The following GALNT9 variants were observed in gnomAD, a reference collection of about 807,000 sequenced individuals.
GALNT9 encodes polypeptide N-acetylgalactosaminyltransferase 9.
A neutral mutation model predicts 63.1 loss-of-function variants in GALNT9; 47 were observed. That is an observed-to-expected ratio of 0.75 (90% confidence interval 0.59 to 0.95). The LOEUF (loss-of-function observed/expected upper bound fraction) is 0.95. GALNT9 is among the 40% of genes least tolerant of loss of function. GALNT9 has a pLI of 0.00. For synonymous variants in GALNT9, 396 were observed against 365.7 expected (o/e 1.08, Z -0.94); for missense variants, 829 against 874.8 (o/e 0.95, Z 0.66).
intron 5 of GALNT9, among the ~76,000 whole-genome samples, chr12:132,256,401 T>C (rs1357083015): frequency 1.3e-5 from 2 of 152,114 alleles, no homozygotes; most frequent in Non-Finnish European, 2.9e-5. Context: ...TTCCGTGATG[T>C]GGGTGGAGTC....
chr12:132,320,200 G>A (rs1335965776), intron 1 of GALNT9, among the ~76,000 whole-genome samples: 2 of 140,408 alleles, frequency 1.4e-5, no homozygotes, highest in Non-Finnish European at 3.1e-5. Flanking sequence ...ATCCACACAC[G>A]CGCTTGTTTT....
chr12:132,298,309 C>T lies in GALNT9; in HGVS notation c.239-11879G>A, dbSNP rs563541089. On this transcript the variant is annotated intron_variant, in intron 1 of 10. Transcript: ENST00000328957. ...CCCATGATAACTAACCCATTCCCAC[C>T]ACACTTAACCCACCCATGAGATAAA... is the stretch of plus-strand genomic sequence containing the variant. Among the ~76,000 whole-genome samples, 27 of 152,094 alleles carry T rather than the reference C, an allele frequency of 1.8e-4. 1 individual carries two copies. In the South Asian group the frequency reaches 5.6e-3, roughly 32 times the overall value.
intron 6 of GALNT9, among the ~76,000 whole-genome samples, chr12:132,222,790 G>T (rs936376449): frequency 1.6e-4 from 24 of 151,562 alleles, no homozygotes; most frequent in Non-Finnish European, 3.2e-4. Flanking sequence ...AGATACGGAC[G>T]CTATGGACGC....
chr12:132,262,523 C>G lies in GALNT9; in HGVS notation c.522G>C (p.Val174=), dbSNP rs1555239874. Residue 174 remains valine, a synonymous_variant, in exon 3 of 11, where the codon GTG becomes GTC. Transcript: ENST00000328957. The part of the protein sequence containing the change: ...LSVILRSVHS[V]VNHTPSQLLK... ...GGAGCTGGGAGGGCGTGTGGTTGAC[C>G]ACGCTGTGCACGGAGCGCAGGATGA... 6.4e-7 allele frequency: 1 copy of G among 1,551,454 alleles called. No homozygotes were observed. The highest frequency in any genetic ancestry group is 2.0e-5 in the Admixed American group (1 of 50,998).
intron 1 of GALNT9, among the ~76,000 whole-genome samples, chr12:132,309,646 C>T (rs565970071): frequency 8.5e-5 from 13 of 152,330 alleles, no homozygotes; most frequent in South Asian, 2.1e-4. Flanking sequence ...GTCCCCTGAG[C>T]AGGACAGGCC....
In GALNT9 at chr12:132,247,971, A is replaced by G. The variant is rs1555238231; in HGVS notation, c.1016T>C (p.Ile339Thr). 6.4e-6 allele frequency: 10 copies of G among 1,551,372 alleles called. No individual in the cohort carries two copies. The highest frequency in any genetic ancestry group is 1.2e-5 in the South Asian group (1 of 84,066). ...CTCCATGCCGGGGTCCAGCAGCCCAATGTCTCCGAAGTACTCGCGGTCCAC... is the reference window on the plus strand; with the variant it reads ...CTCCATGCCGGGGTCCAGCAGCCCAGTGTCTCCGAAGTACTCGCGGTCCAC... Reference protein sequence around the residue: ...FVVDREYFGDIGLLDPGMEVY... With the variant: ...FVVDREYFGDTGLLDPGMEVY... The change falls in exon 6 of 11, where the codon ATT (isoleucine) becomes ACT (threonine). Residue 339 changes from isoleucine to threonine, a missense_variant. Ile to Thr is a moderately conservative substitution (Grantham distance 89). Transcript: ENST00000328957.
At chr12:132,281,346 G>A (rs535365571) in intron 2 of GALNT9, among the ~76,000 whole-genome samples, 3 of 152,336 alleles carry the variant, frequency 2.0e-5, no homozygotes, top group East Asian at 1.9e-4. Flanking sequence ...AGGGGCAGGC[G>A]AGGGGCCAGG....
chr12:132,222,165 A>G (rs1877476573), intron 6 of GALNT9, among the ~76,000 whole-genome samples: 1 of 152,176 alleles, frequency 6.6e-6, no homozygotes, highest in Admixed American at 6.5e-5. Flanking sequence ...GTGAAAACAC[A>G]CAACTCCAAA....
rs143106842 is a variant in GALNT9 at position 132,288,892 on chromosome 12, C to T, written c.239-2462G>A. Among the ~76,000 whole-genome samples, 930 of 145,306 alleles carry T rather than the reference C, an allele frequency of 6.4e-3. 11 individuals carry two copies. The highest frequency in any genetic ancestry group is 0.024 in the Middle Eastern group (6 of 248). On this transcript the variant is annotated intron_variant, in intron 1 of 10. Coordinates refer to ENST00000328957, the MANE Select transcript of GALNT9 (RefSeq NM_001122636.2). The stretch of plus-strand genomic sequence containing the variant: ...GAGGGTGGCTGAGCGTGGTTTCGGA[C>T]GGCTGCCTGATGCCCAGCGTTGGAC...
At chr12:132,240,477 T>G (rs2136898294) in intron 6 of GALNT9, 4 of 386,194 alleles carry the variant, frequency 1.0e-5, no homozygotes, top group Non-Finnish European at 2.0e-5. Flanking sequence ...AGAATAGCCG[T>G]GCCCAGCTCG....
In GALNT9 at chr12:132,204,267, C is replaced by T. The variant is rs749559203; in HGVS notation, c.1078-577G>A. ...TATCCTTTTATGCTTCCTTCCGTGTCGTTCCACTTAAGCAATACCAGCCTT... is the reference window on the plus strand; with the variant it reads ...TATCCTTTTATGCTTCCTTCCGTGTTGTTCCACTTAAGCAATACCAGCCTT... On this transcript the variant is annotated intron_variant, in intron 6 of 10. Transcript: ENST00000328957. Among the ~76,000 whole-genome samples, 7 of 151,862 alleles carry T rather than the reference C, an allele frequency of 4.6e-5. No individual in the cohort carries two copies. The East Asian group carries it at 7.7e-4, about 17-fold the overall frequency.
At chr12:132,230,431 C>T (rs929871794) in intron 6 of GALNT9, among the ~76,000 whole-genome samples, 24 of 152,248 alleles carry the variant, frequency 1.6e-4, no homozygotes, top group African/African-American at 3.4e-4. Flanking sequence ...GGTGGGTCTA[C>T]GGGCACCTGG....
intron 6 of GALNT9, among the ~76,000 whole-genome samples, chr12:132,216,148 A>G (rs541524590): frequency 4.6e-5 from 7 of 151,972 alleles, no homozygotes; most frequent in African/African-American, 1.7e-4. Context: ...ACAGAGACAC[A>G]GAGATGGAGA....
rs113614811 is a variant in GALNT9 at position 132,198,302 on chromosome 12, T to G, written c.1498-343A>C. On this transcript the variant is annotated intron_variant, in intron 9 of 10. Transcript: ENST00000328957. ...GGAGTTGGGTTTAATTTGGGCAACA[T>G]GCAGTGCCGTGTGTGAGCGGAACAC... Among the ~76,000 whole-genome samples the G allele has an allele frequency of 5.3e-5, 8 of 152,330 alleles. 1 individual carries two copies. Among genetic ancestry groups the G allele is most frequent in the African/African-American group, 1.7e-4 (7 of 41,570 alleles).
chr12:132,221,283 G>A (rs1230050259), intron 6 of GALNT9, among the ~76,000 whole-genome samples: 4 of 146,992 alleles, frequency 2.7e-5, no homozygotes. Flanking sequence ...AACCTGGGAG[G>A]TGGAGGTTGC....
Position 132,198,951 on chromosome 12 carries a change from C to T in GALNT9, c.1497+223G>A, listed in dbSNP as rs534456563. Reference sequence around the variant, plus strand: ...CAGGCGTGAGCCACTGCACCCGGCCCAGGCTGTTTTCAATTCCCCGTGTTC... The same window carrying T: ...CAGGCGTGAGCCACTGCACCCGGCCTAGGCTGTTTTCAATTCCCCGTGTTC... On this transcript the variant is annotated intron_variant, in intron 9 of 10. Transcript: ENST00000328957. Among the ~76,000 whole-genome samples, 4 of 152,260 alleles carry T rather than the reference C, an allele frequency of 2.6e-5. No individual in the cohort carries two copies. The East Asian group carries it at 7.8e-4, about 30-fold the overall frequency.
chr12:132,231,438 G>A (rs1362008506), intron 6 of GALNT9, among the ~76,000 whole-genome samples: 5 of 2,426 alleles, frequency 2.1e-3, no homozygotes, highest in African/African-American at 5.2e-3. Context: ...AGGAGACAGC[G>A]TGGAGTCCCT....
chr12:132,225,241 T>C (rs1877605393), intron 6 of GALNT9, among the ~76,000 whole-genome samples: 1 of 117,804 alleles, frequency 8.5e-6, no homozygotes, highest in Admixed American at 9.6e-5. Context: ...ACATCCCATA[T>C]ACTATACTTA....
At chr12:132,257,956 C>A in intron 4 of GALNT9, 70 bp from the exon 5 acceptor site, 1 of 1,113,792 alleles carries the variant, frequency 9.0e-7, no homozygotes, top group Non-Finnish European at 1.3e-6. Context: ...TCCACTCGCC[C>A]ACAGGGAGGG....
Sources: gnomAD v4.1 joint callset for allele counts (sites outside exome capture counted in the v4.1 genomes callset) on GRCh38, gnomAD v4.1.1 for gene constraint, MANE v1.5 for transcripts, NCBI Gene and HGNC (gene_info 2026-07-23, HGNC 2026-07-21) for gene names.